ALK: variants seen among roughly 807,000 people sequenced by gnomAD.
ALK encodes ALK receptor tyrosine kinase, also known as ALK tyrosine kinase receptor.
Under a neutral mutation model 163.1 loss-of-function variants are expected in ALK, and 74 were observed. The observed-to-expected ratio is 0.45, with a 90% CI of 0.38 to 0.55. ALK has a LOEUF of 0.55. Ranked by LOEUF, ALK falls within the 20% of genes least tolerant of loss-of-function variation. The pLI, the probability that ALK is intolerant of heterozygous loss-of-function variation, is 0.00. For missense variants in ALK, 2,063 were observed against 2,105.3 expected, an observed-to-expected ratio of 0.98 and a Z score of 0.39; for synonymous variants, 960 against 843.2, an observed-to-expected ratio of 1.14 and a Z score of -2.40.
chr2:29,616,911 G>A (rs1675863562), intron 3 of ALK, among the ~76,000 whole-genome samples: 1 of 152,202 alleles, frequency 6.6e-6, no homozygotes, highest in African/African-American at 2.4e-5. Flanking sequence ...AACATGGGAT[G>A]TTTGTTACCT....
chr2:29,417,076 C>T (rs953745383), intron 4 of ALK, among the ~76,000 whole-genome samples: 1 of 146,328 alleles, frequency 6.8e-6, no homozygotes, highest in African/African-American at 2.6e-5. Flanking sequence ...CAAGCTCTGC[C>T]TTCTGGGTTC....
At chr2:29,224,312 G>A (rs1336382483) in intron 19 of ALK, among the ~76,000 whole-genome samples, 1 of 152,194 alleles carries the variant, frequency 6.6e-6, no homozygotes, top group African/African-American at 2.4e-5. Context: ...TGAGGACCAG[G>A]TCACAGGACC....
At chr2:29,383,532 G>T (rs192965578) in intron 5 of ALK, among the ~76,000 whole-genome samples, 200 bp downstream of exon 5, 8 of 152,266 alleles carry the variant, frequency 5.3e-5, no homozygotes, top group Non-Finnish European at 8.8e-5. Context: ...GGCCAGGCTG[G>T]TCTTGAACTC....
chr2:29,797,944 A>C (rs1000143104), intron 1 of ALK, among the ~76,000 whole-genome samples: 1 of 152,164 alleles, frequency 6.6e-6, no homozygotes, highest in Non-Finnish European at 1.5e-5. Context: ...GAGTAAGTAG[A>C]GCCACCTGCG....
At chr2:29,290,878 G>A (rs968616160) in intron 9 of ALK, among the ~76,000 whole-genome samples, 2 of 152,140 alleles carry the variant, frequency 1.3e-5, no homozygotes, top group Non-Finnish European at 2.9e-5. Flanking sequence ...GGAGACTCCA[G>A]CTGTGAGCCT....
At chr2:29,477,846 G>A (rs1314685941) in intron 4 of ALK, among the ~76,000 whole-genome samples, 1 of 152,232 alleles carries the variant, frequency 6.6e-6, no homozygotes, top group African/African-American at 2.4e-5. Context: ...GGAAATCAGA[G>A]CTGAATGTGA....
chr2:29,692,851 A>C (rs1429481868), intron 3 of ALK, among the ~76,000 whole-genome samples: 1 of 152,260 alleles, frequency 6.6e-6, no homozygotes, highest in Non-Finnish European at 1.5e-5. Flanking sequence ...TCAAATGTTC[A>C]ATGACGGTAG....
chr2:29,811,547 C>G (rs893484819), intron 1 of ALK, among the ~76,000 whole-genome samples: 1 of 152,198 alleles, frequency 6.6e-6, no homozygotes, highest in African/African-American at 2.4e-5. Flanking sequence ...TTGTGACTCA[C>G]TGACAGGTGT....
At chr2:29,881,927 G>A (rs1303739236) in intron 1 of ALK, among the ~76,000 whole-genome samples, 1 of 152,090 alleles carries the variant, frequency 6.6e-6, no homozygotes, top group Non-Finnish European at 1.5e-5. Flanking sequence ...AGCTTCCTCA[G>A]TTCAGAAGGC....
At chr2:29,655,572 G>A (rs1437313148) in intron 3 of ALK, among the ~76,000 whole-genome samples, 1 of 152,160 alleles carries the variant, frequency 6.6e-6, no homozygotes, top group Non-Finnish European at 1.5e-5. Context: ...GCCTGGAAAA[G>A]CTCACTCATA....
intron 24 of ALK, among the ~76,000 whole-genome samples, 163 bp from the exon 25 acceptor site, chr2:29,210,041 C>G (rs751964328): frequency 8.5e-5 from 13 of 152,114 alleles, no homozygotes; most frequent in Non-Finnish European, 1.6e-4. Context: ...ACAGCCTTAA[C>G]AATTCTAGGC....
intron 3 of ALK, among the ~76,000 whole-genome samples, chr2:29,591,310 T>G (rs1675051100): frequency 6.6e-6 from 1 of 152,170 alleles, no homozygotes; most frequent in South Asian, 2.1e-4. Context: ...TTCCTTTTAG[T>G]CCCTGGAAAG....
At chr2:29,444,974 TC>T (rs1205804233) in intron 4 of ALK, among the ~76,000 whole-genome samples, 5 of 152,254 alleles carry the variant, frequency 3.3e-5, no homozygotes, top group Non-Finnish European at 5.9e-5. Flanking sequence ...CTGAAGACAC[TC>T]AATATCAGAG....
chr2:29,618,564 C>A (rs1428909871), intron 3 of ALK, among the ~76,000 whole-genome samples: 1 of 152,154 alleles, frequency 6.6e-6, no homozygotes, highest in East Asian at 1.9e-4. Context: ...GTCCACACCC[C>A]CATTTTTAGG....
At chr2:29,705,100 C>A (rs12994767) in intron 2 of ALK, among the ~76,000 whole-genome samples, 1 of 150,892 alleles carries the variant, frequency 6.6e-6, no homozygotes. Flanking sequence ...TGCCTGTAAT[C>A]CCAGCTGCTC....
intron 9 of ALK, among the ~76,000 whole-genome samples, chr2:29,290,328 T>A (rs1466816387): frequency 6.6e-6 from 1 of 152,206 alleles, no homozygotes. Flanking sequence ...GGCACAGGGC[T>A]GCCGTGGATG....
chr2:29,625,583 G>A (rs1270366695), intron 3 of ALK, among the ~76,000 whole-genome samples: 1 of 152,200 alleles, frequency 6.6e-6, no homozygotes, highest in Non-Finnish European at 1.5e-5. Context: ...TAATGAAGGG[G>A]TTGCGTCGGG....
At chr2:29,714,562 C>T (rs905990149) in intron 2 of ALK, among the ~76,000 whole-genome samples, 2 of 152,144 alleles carry the variant, frequency 1.3e-5, no homozygotes, top group Non-Finnish European at 2.9e-5. Flanking sequence ...AGGACACCTG[C>T]GGTCAGGTTG....
intron 4 of ALK, among the ~76,000 whole-genome samples, chr2:29,398,692 C>A (rs1669370976): frequency 1.3e-5 from 2 of 151,952 alleles, no homozygotes; most frequent in African/African-American, 2.4e-5. Flanking sequence ...GCAGGACCCC[C>A]CTCCTCCTTC....
Sources: allele counts gnomAD v4.1 joint callset (sites outside exome capture counted in the v4.1 genomes callset), GRCh38; gene constraint gnomAD v4.1.1; transcripts MANE v1.5; gene names NCBI Gene and HGNC (gene_info 2026-07-23, HGNC 2026-07-21).